The following ABCA13 variants were observed in gnomAD, a reference collection of about 807,000 sequenced individuals.
ABCA13 encodes ATP binding cassette subfamily A member 13, also known as ATP-binding cassette sub-family A member 13.
In ABCA13, 476 loss-of-function variants were observed where a neutral mutation model predicts 478.7. The observed-to-expected ratio is 0.99, with a 90% confidence interval of 0.92 to 1.07. The LOEUF is 1.07. Ranked by LOEUF, ABCA13 falls within the 50% of genes least tolerant of loss-of-function variation. ABCA13 has a pLI of 0.00. For synonymous variants in ABCA13, 2,252 were observed against 2,158.9 expected (o/e 1.04, Z -1.20); for missense variants, 6,060 against 5,910.6 (o/e 1.03, Z -0.83).
intron 27 of ABCA13, among the ~76,000 whole-genome samples, chr7:48,334,248 C>T (rs1263822634): frequency 6.6e-6 from 1 of 151,828 alleles, no homozygotes; most frequent in Non-Finnish European, 1.5e-5. Context: ...GTATAGCTGG[C>T]GTTTACTGAG....
intron 35 of ABCA13, among the ~76,000 whole-genome samples, chr7:48,385,783 A>G (rs1815087127): frequency 6.6e-6 from 1 of 152,204 alleles, no homozygotes; most frequent in Non-Finnish European, 1.5e-5. Flanking sequence ...CCAACAGTGT[A>G]TAAGCATTCC....
At chr7:48,462,531 C>T (rs537362120) in intron 43 of ABCA13, among the ~76,000 whole-genome samples, 1 of 150,952 alleles carries the variant, frequency 6.6e-6, no homozygotes, top group African/African-American at 2.4e-5. Flanking sequence ...TGGGGGAGTA[C>T]AGGGTCTCAC....
At chr7:48,546,350 C>T (rs1002211733) in intron 55 of ABCA13, among the ~76,000 whole-genome samples, 7 of 151,722 alleles carry the variant, frequency 4.6e-5, no homozygotes, top group African/African-American at 1.7e-4. Context: ...AGACCAAAGA[C>T]CAACTTCTTG....
At chr7:48,385,565 G>A (rs1455818579) in intron 35 of ABCA13, among the ~76,000 whole-genome samples, 4 of 152,102 alleles carry the variant, frequency 2.6e-5, no homozygotes, top group Admixed American at 6.5e-5. Flanking sequence ...TATTGTTGAT[G>A]GCCATTTAGG....
At chr7:48,307,723 C>A (rs1801118778) in intron 23 of ABCA13, among the ~76,000 whole-genome samples, 3 of 151,956 alleles carry the variant, frequency 2.0e-5, no homozygotes. Context: ...CTCTGTTGCC[C>A]AGGCTGGAGT....
intron 35 of ABCA13, among the ~76,000 whole-genome samples, chr7:48,380,572 G>A (rs573768552): frequency 1.3e-5 from 2 of 152,280 alleles, no homozygotes; most frequent in East Asian, 1.9e-4. Flanking sequence ...GCATTTGCAC[G>A]GCTGTGTGTG....
chr7:48,357,108 T>TG (rs1810053238), intron 31 of ABCA13, among the ~76,000 whole-genome samples: 2 of 151,860 alleles, frequency 1.3e-5, no homozygotes, highest in Admixed American at 6.5e-5. Context: ...TTGATGTGTC[T>TG]TGGGCAAAGT....
intron 58 of ABCA13, 91 bp from the exon 59 acceptor site, chr7:48,615,194 G>T (rs966356808): frequency 1.3e-6 from 1 of 748,506 alleles, no homozygotes; most frequent in Non-Finnish European, 1.9e-6. Context: ...TGCCCTAATG[G>T]TATCTTGTCT....
intron 27 of ABCA13, among the ~76,000 whole-genome samples, chr7:48,322,363 C>T (rs1351625307): frequency 6.6e-6 from 1 of 152,190 alleles, no homozygotes; most frequent in Non-Finnish European, 1.5e-5. Flanking sequence ...GGCAGCAGCC[C>T]ACACATACCT....
chr7:48,241,874 T>G (rs529766745), intron 10 of ABCA13, among the ~76,000 whole-genome samples: 10 of 152,326 alleles, frequency 6.6e-5, no homozygotes, highest in African/African-American at 2.4e-4. Context: ...AAACAGGATC[T>G]TGCTTTTGAA....
At chr7:48,391,168 C>T (rs925590325) in intron 37 of ABCA13, among the ~76,000 whole-genome samples, 6 of 152,214 alleles carry the variant, frequency 3.9e-5, no homozygotes, top group East Asian at 1.9e-4. Flanking sequence ...CCGGGAGCAG[C>T]GGAAAGAAGA....
chr7:48,384,128 C>T (rs904957501), intron 35 of ABCA13, among the ~76,000 whole-genome samples: 3 of 152,196 alleles, frequency 2.0e-5, no homozygotes, highest in Non-Finnish European at 4.4e-5. Flanking sequence ...GCCTACTATC[C>T]TTGCTAAGGG....
chr7:48,184,697 G>A (rs532593054), intron 1 of ABCA13, among the ~76,000 whole-genome samples: 1 of 152,256 alleles, frequency 6.6e-6, no homozygotes, highest in African/African-American at 2.4e-5. Flanking sequence ...GCGCATGCCT[G>A]TAATCCTAGA....
chr7:48,617,654 G>A (rs1469722516), intron 59 of ABCA13, among the ~76,000 whole-genome samples: 2 of 152,160 alleles, frequency 1.3e-5, no homozygotes, highest in Non-Finnish European at 2.9e-5. Flanking sequence ...AGAGCCTAGT[G>A]GAGTGAAGCC....
At chr7:48,433,699 G>C (rs1029272682) in intron 42 of ABCA13, among the ~76,000 whole-genome samples, 5 of 151,722 alleles carry the variant, frequency 3.3e-5, no homozygotes, top group Admixed American at 1.3e-4. Flanking sequence ...CCCTCCCCCA[G>C]CTCCTGGAAA....
At chr7:48,437,402 G>A (rs1822994284) in intron 42 of ABCA13, among the ~76,000 whole-genome samples, 1 of 151,966 alleles carries the variant, frequency 6.6e-6, no homozygotes, top group Non-Finnish European at 1.5e-5. Context: ...TAATCTATGT[G>A]TATCCATAGA....
intron 31 of ABCA13, among the ~76,000 whole-genome samples, chr7:48,356,006 A>G (rs552318157): frequency 6.6e-6 from 1 of 152,058 alleles, no homozygotes; most frequent in East Asian, 1.9e-4. Context: ...AAAAATAGAG[A>G]GGGCCGAGAC....
chr7:48,560,766 T>G (rs561193567), intron 55 of ABCA13, among the ~76,000 whole-genome samples: 2 of 152,358 alleles, frequency 1.3e-5, no homozygotes, highest in Non-Finnish European at 2.9e-5. Context: ...TTAGCTGTAT[T>G]TAGCATGTTG....
At chr7:48,497,165 TA>T (rs1404677368) in intron 48 of ABCA13, among the ~76,000 whole-genome samples, 1 of 152,166 alleles carries the variant, frequency 6.6e-6, no homozygotes, top group African/African-American at 2.4e-5. Context: ...GGATAAGTTT[TA>T]TTTTTTTCAT....
Sources: gnomAD v4.1 joint callset for allele counts (sites outside exome capture counted in the v4.1 genomes callset) on GRCh38, gnomAD v4.1.1 for gene constraint, MANE v1.5 for transcripts, NCBI Gene and HGNC (gene_info 2026-07-23, HGNC 2026-07-21) for gene names.